SLC22A3: variants seen among roughly 807,000 people sequenced by gnomAD.
The protein encoded by SLC22A3 is solute carrier family 22 member 3.
In SLC22A3, 51 loss-of-function variants were observed where a neutral mutation model predicts 59.1. That is an observed-to-expected ratio of 0.86 (90% CI 0.69 to 1.09). The LOEUF (loss-of-function observed/expected upper bound fraction) is 1.09. SLC22A3 is among the 50% of genes least tolerant of loss of function. The pLI is 0.00. For synonymous variants in SLC22A3, 325 were observed against 292.0 expected, an observed-to-expected ratio of 1.11 and a Z score of -1.15; for missense variants, 711 against 726.3, an observed-to-expected ratio of 0.98 and a Z score of 0.24.
At chr6:160,422,138 T>C (rs1787764907) in intron 5 of SLC22A3, among the ~76,000 whole-genome samples, 1 of 152,220 alleles carries the variant, frequency 6.6e-6, no homozygotes, top group Non-Finnish European at 1.5e-5. Context: ...AGGAAAATTA[T>C]CTTTCTTCAT....
chr6:160,408,930 G>A lies in SLC22A3; in HGVS notation c.857+9G>A, dbSNP rs1448045403. The A allele has an allele frequency of 2.5e-6, 4 of 1,610,872 alleles. No homozygotes were observed. Among genetic ancestry groups the A allele is most frequent in the Admixed American group, 1.7e-5 (1 of 59,820 alleles). ...TTCCTCCTTTATTACTGGTAATGTG[G>A]TTTTGGTTATCATCATATTTATACT... On this transcript the variant is annotated intron_variant, in intron 4 of 10. Transcript: ENST00000275300.
chr6:160,363,187 T>C (rs1785082547), intron 1 of SLC22A3, among the ~76,000 whole-genome samples: 1 of 152,168 alleles, frequency 6.6e-6, no homozygotes, highest in South Asian at 2.1e-4. Context: ...CAGCAGGAGC[T>C]GGGATGAACA....
At chr6:160,440,726 T>C (rs1461558348) in intron 7 of SLC22A3, among the ~76,000 whole-genome samples, 3 of 152,188 alleles carry the variant, frequency 2.0e-5, no homozygotes, top group African/African-American at 4.8e-5. Flanking sequence ...TAATGAACCA[T>C]GCAATGCCTT....
At position 160,371,963 on chromosome 6, in the gene SLC22A3, G is replaced by A. The variant is rs953651140; in HGVS notation, c.429+23115G>A. ...CTTTTTTTTCATGTGTTTGTTGGCC[G>A]GATAAATGTCTTCTTTTGAGAAGTG... On this transcript the variant is annotated intron_variant, in intron 1 of 10. Coordinates refer to ENST00000275300, the MANE Select transcript of SLC22A3 (RefSeq NM_021977.4). Among the ~76,000 whole-genome samples the A allele has an allele frequency of 7.9e-5, 12 of 152,072 alleles. No homozygotes were observed. The East Asian group carries it at 9.7e-4, about 12-fold the overall frequency.
At chr6:160,364,459 A>T (rs569910640) in intron 1 of SLC22A3, among the ~76,000 whole-genome samples, 1 of 152,360 alleles carries the variant, frequency 6.6e-6, no homozygotes, top group African/African-American at 2.4e-5. Context: ...AACTGCAGTC[A>T]TATTGTTCAT....
intron 1 of SLC22A3, among the ~76,000 whole-genome samples, chr6:160,378,419 G>C (rs758048554): frequency 1.3e-5 from 2 of 152,130 alleles, no homozygotes; most frequent in Non-Finnish European, 2.9e-5. Flanking sequence ...GCTTTAAAAG[G>C]TACACGTGTT....
At chr6:160,374,758 A>G (rs1018959316) in intron 1 of SLC22A3, among the ~76,000 whole-genome samples, 3 of 152,216 alleles carry the variant, frequency 2.0e-5, no homozygotes, top group Non-Finnish European at 2.9e-5. Context: ...ACCTGGATCA[A>G]GAAGGGCCAC....
intron 5 of SLC22A3, among the ~76,000 whole-genome samples, chr6:160,421,677 T>G (rs1787746119): frequency 6.6e-6 from 1 of 152,220 alleles, no homozygotes; most frequent in Non-Finnish European, 1.5e-5. Context: ...TAATATTGGT[T>G]GTTCTCTTTT....
chr6:160,443,674 G>A lies in SLC22A3; in HGVS notation c.1442G>A (p.Gly481Glu). The A allele has an allele frequency of 6.2e-7, 1 of 1,613,906 alleles. No individual in the cohort carries two copies. Reference sequence around the variant, plus strand: ...TGTTCAGGTCTGTGTGATTTTGGGGGAATCATAGCCCCATTTCTGCTCTTT... The same window carrying A: ...TGTTCAGGTCTGTGTGATTTTGGGGAAATCATAGCCCCATTTCTGCTCTTT... ...SLCSGLCDFGGIIAPFLLFRL... is the reference protein window; with the variant it reads ...SLCSGLCDFGEIIAPFLLFRL... Residue 481 changes from glycine to glutamate, a missense_variant, in exon 9 of 11, where the codon GGA becomes GAA. Coordinates refer to ENST00000275300, the MANE Select transcript of SLC22A3 (RefSeq NM_021977.4).
chr6:160,414,891 TC>T (rs1787409722), intron 5 of SLC22A3, among the ~76,000 whole-genome samples: 1 of 152,204 alleles, frequency 6.6e-6, no homozygotes, highest in Admixed American at 6.5e-5. Flanking sequence ...TGGTGAGTAC[TC>T]TTTCGGATGC....
At chr6:160,382,857 T>TA (rs1165022625) in intron 1 of SLC22A3, among the ~76,000 whole-genome samples, 3 of 152,092 alleles carry the variant, frequency 2.0e-5, no homozygotes, top group African/African-American at 2.4e-5. Flanking sequence ...ATTACATTAT[T>TA]AAAAAAATGG....
At chr6:160,410,035 G>T (rs1787182006) in intron 4 of SLC22A3, among the ~76,000 whole-genome samples, 1 of 152,208 alleles carries the variant, frequency 6.6e-6, no homozygotes, top group Admixed American at 6.5e-5. Context: ...TTGCTGTTTT[G>T]AGATGGAGTC....
chr6:160,357,122 C>T (rs1784867764), intron 1 of SLC22A3, among the ~76,000 whole-genome samples: 1 of 152,176 alleles, frequency 6.6e-6, no homozygotes, highest in Non-Finnish European at 1.5e-5. Context: ...TAGTGGAAAC[C>T]ACTGGATGGA....
At chr6:160,407,248 A>G in intron 3 of SLC22A3, 53 bp downstream of exon 3, 1 of 1,530,714 alleles carries the variant, frequency 6.5e-7, no homozygotes, top group Non-Finnish European at 8.8e-7. Context: ...CCAGATAGCC[A>G]ACAAATGCTA....
At chr6:160,373,674 G>T (rs1381558267) in intron 1 of SLC22A3, among the ~76,000 whole-genome samples, 1 of 152,150 alleles carries the variant, frequency 6.6e-6, no homozygotes, top group Non-Finnish European at 1.5e-5. Context: ...CCCTGACTGG[G>T]GCTTCTGCCT....
intron 5 of SLC22A3, among the ~76,000 whole-genome samples, chr6:160,435,902 A>G (rs1334702398): frequency 3.3e-5 from 5 of 152,134 alleles, no homozygotes; most frequent in Admixed American, 6.5e-5. Flanking sequence ...TGGTGTGACA[A>G]TGCACTCCCG....
At chr6:160,423,199 C>T (rs1583499881) in intron 5 of SLC22A3, among the ~76,000 whole-genome samples, 1 of 152,120 alleles carries the variant, frequency 6.6e-6, no homozygotes. Flanking sequence ...CCATGGTGTA[C>T]ATGTGCCACA....
chr6:160,430,621 C>T (rs1457054212), intron 5 of SLC22A3, among the ~76,000 whole-genome samples: 1 of 152,142 alleles, frequency 6.6e-6, no homozygotes, highest in Non-Finnish European at 1.5e-5. Context: ...ATGAATAGGG[C>T]AAATAGCAAT....
rs771153331 is a variant in SLC22A3, at chr6:160,415,092, G to A, written c.975+4246G>A. On this transcript the variant is annotated intron_variant, in intron 5 of 10. Transcript: ENST00000275300. The surrounding 1 kb of genome is among the most constrained non-coding windows in gnomAD (Gnocchi z 4.1). The stretch of plus-strand genomic sequence containing the variant: ...TTTTTGAAACATATGTCTTCAAACC[G>A]AACCTACCCATCTTTAATCTTTTTA... Among the ~76,000 whole-genome samples, 4 of 152,150 alleles carry A rather than the reference G, an allele frequency of 2.6e-5. No individual in the cohort carries two copies. The highest frequency in any genetic ancestry group is 2.1e-4 in the South Asian group (1 of 4,826).
Sources: allele counts gnomAD v4.1 joint callset (sites outside exome capture counted in the v4.1 genomes callset), GRCh38; gene constraint gnomAD v4.1.1; non-coding constraint Gnocchi (gnomAD v3.1); transcripts MANE v1.5; gene names NCBI Gene and HGNC (gene_info 2026-07-23, HGNC 2026-07-21).